The following ANKS1B variants were observed in gnomAD, a reference collection of about 807,000 sequenced individuals.
ANKS1B encodes the protein ankyrin repeat and sterile alpha motif domain-containing protein 1B.
In ANKS1B, 36 loss-of-function variants were observed where a neutral mutation model predicts 148.3. The ratio of observed to expected loss-of-function variants is 0.24; its 90% CI spans 0.19 to 0.32. ANKS1B has a LOEUF of 0.32. Ranked by LOEUF, ANKS1B falls within the 10% of genes least tolerant of loss-of-function variation. The probability of loss-of-function intolerance (pLI) is 1.00; values close to 1 mark genes in which losing one functional copy is unlikely to be tolerated. For synonymous variants in ANKS1B, 542 were observed against 560.8 expected (o/e 0.97, Z 0.47); for missense variants, 1,157 against 1,542.6 (o/e 0.75, Z 4.19).
chr12:99,294,252 T>C (rs1357258383), intron 12 of ANKS1B, among the ~76,000 whole-genome samples: 1 of 152,208 alleles, frequency 6.6e-6, no homozygotes, highest in Non-Finnish European at 1.5e-5. Context: ...CTGTTTACAA[T>C]GGCCAAAATT....
intron 21 of ANKS1B, 74 bp from the exon 22 acceptor site, chr12:98,799,079 G>T: frequency 9.1e-7 from 1 of 1,100,120 alleles, no homozygotes. Flanking sequence ...AACAAATTGT[G>T]GAAGTATTAC....
chr12:99,061,357 G>A (rs960889251), intron 16 of ANKS1B, among the ~76,000 whole-genome samples: 1 of 152,164 alleles, frequency 6.6e-6, no homozygotes, highest in East Asian at 1.9e-4. Flanking sequence ...CCTGGAGTCT[G>A]GGAAATGCTT....
At chr12:99,164,313 A>G (rs1217119551) in intron 14 of ANKS1B, among the ~76,000 whole-genome samples, 2 of 152,164 alleles carry the variant, frequency 1.3e-5, no homozygotes, top group Admixed American at 6.5e-5. Flanking sequence ...TTAAAATACA[A>G]TCTCTAATGG....
intron 9 of ANKS1B, among the ~76,000 whole-genome samples, chr12:99,585,921 A>G (rs111831992): frequency 0.013 from 2,053 of 152,192 alleles, 56 homozygotes; most frequent in African/African-American, 0.047. Flanking sequence ...CTGGGCCTGG[A>G]TGAGGGGGGC....
At chr12:98,813,835 A>T (rs2099117322) in intron 19 of ANKS1B, among the ~76,000 whole-genome samples, 1 of 151,776 alleles carries the variant, frequency 6.6e-6, no homozygotes, top group Non-Finnish European at 1.5e-5. Context: ...GATTACAGGC[A>T]TGAGCCACCG....
intron 1 of ANKS1B, among the ~76,000 whole-genome samples, chr12:99,919,320 T>A (rs2094276179): frequency 6.6e-6 from 1 of 152,160 alleles, no homozygotes; most frequent in African/African-American, 2.4e-5. Context: ...AAAAAAAGAT[T>A]GAAGTATGCA....
intron 17 of ANKS1B, among the ~76,000 whole-genome samples, chr12:98,895,479 A>T (rs903749411): frequency 2.0e-5 from 3 of 152,198 alleles, no homozygotes; most frequent in African/African-American, 7.2e-5. Context: ...GGCAAGGGGC[A>T]GAAGCAGGTC....
intron 9 of ANKS1B, among the ~76,000 whole-genome samples, chr12:99,624,965 A>C (rs746392762): frequency 6.6e-6 from 1 of 152,146 alleles, no homozygotes; most frequent in Non-Finnish European, 1.5e-5. Flanking sequence ...TCACAGCACT[A>C]TTCACAACAC....
chr12:99,751,122 A>G (rs1025630352), intron 8 of ANKS1B, among the ~76,000 whole-genome samples: 2 of 137,412 alleles, frequency 1.5e-5, no homozygotes. Context: ...ATTTTTTGAA[A>G]TTTATTTCTT....
intron 16 of ANKS1B, among the ~76,000 whole-genome samples, chr12:99,068,004 C>T (rs2044989049): frequency 6.6e-6 from 1 of 151,932 alleles, no homozygotes; most frequent in African/African-American, 2.4e-5. Context: ...TAGAGTCACT[C>T]TTACAATAGT....
intron 12 of ANKS1B, among the ~76,000 whole-genome samples, chr12:99,257,207 G>A (rs967497721): frequency 4.6e-5 from 7 of 151,858 alleles, no homozygotes; most frequent in East Asian, 1.9e-4. Context: ...TGGTGCCACT[G>A]CACTCCAGCC....
chr12:98,924,937 A>G (rs2099806132), intron 17 of ANKS1B, among the ~76,000 whole-genome samples: 1 of 152,240 alleles, frequency 6.6e-6, no homozygotes, highest in African/African-American at 2.4e-5. Flanking sequence ...GCTAATGCAA[A>G]TGCTGAGCCT....
intron 15 of ANKS1B, among the ~76,000 whole-genome samples, chr12:99,132,317 G>A (rs1226462623): frequency 6.6e-6 from 1 of 152,056 alleles, no homozygotes; most frequent in African/African-American, 2.4e-5. Context: ...CAGCTAGGAG[G>A]AAGAAATAGG....
intron 17 of ANKS1B, among the ~76,000 whole-genome samples, chr12:99,045,969 T>G (rs922735357): frequency 7.2e-5 from 11 of 152,080 alleles, no homozygotes; most frequent in African/African-American, 2.7e-4. Context: ...AGTACATGCA[T>G]GTGAGGAAAT....
intron 8 of ANKS1B, among the ~76,000 whole-genome samples, chr12:99,725,106 C>T (rs1266626623): frequency 1.3e-5 from 2 of 152,002 alleles, no homozygotes; most frequent in Admixed American, 1.3e-4. Flanking sequence ...AACTAGTGTG[C>T]AAAATACCAA....
At chr12:99,025,456 T>C (rs572079425) in intron 17 of ANKS1B, among the ~76,000 whole-genome samples, 3 of 152,138 alleles carry the variant, frequency 2.0e-5, no homozygotes, top group Non-Finnish European at 4.4e-5. Flanking sequence ...ATGAATGAAA[T>C]AGAATAGTGG....
chr12:99,961,228 C>CA (rs920085323), intron 1 of ANKS1B, among the ~76,000 whole-genome samples: 6 of 94,708 alleles, frequency 6.3e-5, no homozygotes, highest in East Asian at 3.9e-4. Flanking sequence ...GACTCCCTCT[C>CA]AAAAAAAACA....
intron 26 of ANKS1B, among the ~76,000 whole-genome samples, chr12:98,749,851 G>A (rs1261193362): frequency 6.6e-6 from 1 of 152,150 alleles, no homozygotes; most frequent in Non-Finnish European, 1.5e-5. Context: ...GAAGAGAGAT[G>A]GAGGAAGTGG....
chr12:99,524,377 C>T (rs184255028), intron 9 of ANKS1B, among the ~76,000 whole-genome samples: 1 of 152,210 alleles, frequency 6.6e-6, no homozygotes, highest in Admixed American at 6.5e-5. Flanking sequence ...ACTAGGAATA[C>T]ATTACGTAAC....
Sources: gnomAD v4.1 joint callset for allele counts (sites outside exome capture counted in the v4.1 genomes callset) on GRCh38, gnomAD v4.1.1 for gene constraint, MANE v1.5 for transcripts, NCBI Gene and HGNC (gene_info 2026-07-23, HGNC 2026-07-21) for gene names.